The following ETFRF1 variants were observed in gnomAD, a reference collection of about 807,000 sequenced individuals.
ETFRF1 encodes the protein electron transfer flavoprotein regulatory factor 1.
Under a neutral mutation model 9.0 loss-of-function variants are expected in ETFRF1, and 12 were observed. That is an observed-to-expected ratio of 1.34 (90% CI 0.86 to 2.16). The LOEUF (loss-of-function observed/expected upper bound fraction) is 2.16. Among genes scored for constraint, ETFRF1 ranks in the 30% most tolerant of loss-of-function variants. The pLI is 0.00. For missense variants in ETFRF1, 98 were observed against 101.8 expected (o/e 0.96, Z 0.16); for synonymous variants, 34 against 33.2 (o/e 1.02, Z -0.08).
chr12:25,199,457 C>T (rs1377630445), intron 1 of ETFRF1, among the ~76,000 whole-genome samples: 1 of 150,044 alleles, frequency 6.7e-6, no homozygotes, highest in African/African-American at 2.4e-5. Context: ...AAATGGCTGG[C>T]TACCTCTGTT....
Position 25,204,271 on chromosome 12 carries a change from A to G in ETFRF1, c.232A>G (p.Met78Val), listed in dbSNP as rs370552495. ...GTACTTCCTTAGGAAATACAGAGCT[A>G]TGAAACAACGCTATTATTCAGATAC... ...ALYFLRKYRAMKQRYYSDTNK... is the reference protein window; with the variant it reads ...ALYFLRKYRAVKQRYYSDTNK... Residue 78 changes from methionine (M) to valine (V), a missense_variant, in exon 3 of 3, where the codon ATG (methionine) becomes GTG (valine). Transcript: ENST00000381356. 15 of 1,594,746 alleles carry G rather than the reference A, an allele frequency of 9.4e-6. No homozygotes were observed. The highest frequency in any genetic ancestry group is 2.2e-5 in the East Asian group (1 of 44,694).
In ETFRF1 at chr12:25,205,132, T is replaced by C. The variant is rs758346907; in HGVS notation, c.*820T>C. The C allele has an allele frequency of 2.0e-4, 44 of 217,010 alleles. 1 individual carries two copies. The highest frequency in any genetic ancestry group is 1.1e-3 in the Admixed American group (19 of 17,200). 13.4% of individuals were successfully genotyped at this position (217,010 alleles called of 1,614,324 possible). On this transcript the variant is annotated 3_prime_UTR_variant, in exon 3 of 3. Coordinates refer to ENST00000381356, the MANE Select transcript of ETFRF1 (RefSeq NM_001001660.3). ...ACCTTTTAGAAATAAAGGATACTTC[T>C]AACAAGCTGCATAAAAGATTCACTG...
rs1244042002 is a variant in ETFRF1, at chr12:25,204,256, A to G, written c.217A>G (p.Arg73Gly). Residue 73 changes from arginine to glycine, a missense_variant, in exon 3 of 3, where the codon AGG becomes GGG. Transcript: ENST00000381356. ...AGAGCTAGAAGCTTTGTACTTCCTT[A>G]GGAAATACAGAGCTATGAAACAACG... ...MKELEALYFL[R>G]KYRAMKQRYY... 4 of 1,604,212 alleles carry G rather than the reference A, an allele frequency of 2.5e-6. No individual in the cohort carries two copies. The East Asian group carries it at 6.7e-5, about 27-fold the overall frequency.
intron 1 of ETFRF1, among the ~76,000 whole-genome samples, chr12:25,196,979 C>G (rs1951030613): frequency 6.6e-6 from 1 of 151,938 alleles, no homozygotes; most frequent in African/African-American, 2.4e-5. Context: ...ACAGTGAAAC[C>G]CCGTCTCTAC....
chr12:25,195,342 G>T lies in ETFRF1; in HGVS notation c.-38+5G>T. 3 of 598,282 alleles carry T rather than the reference G, an allele frequency of 5.0e-6. No homozygotes were observed. The highest frequency in any genetic ancestry group is 8.9e-6 in the Non-Finnish European group (3 of 336,188). The allele number at this position is 598,282 out of a possible 1,614,324, so 37.1% of individuals were successfully genotyped here. Reference sequence around the variant, plus strand: ...GCGGCTCCGGCGTGCCGGAAAGTGCGTGAGTGCCGCCGCCGGGGAGTTTTG... The same window carrying T: ...GCGGCTCCGGCGTGCCGGAAAGTGCTTGAGTGCCGCCGCCGGGGAGTTTTG... On this transcript the variant is annotated splice_donor_5th_base_variant and intron_variant, in intron 1 of 2. Transcript: ENST00000381356.
At chr12:25,199,198 GTATAA>G (rs921522477) in intron 1 of ETFRF1, among the ~76,000 whole-genome samples, 3 of 148,678 alleles carry the variant, frequency 2.0e-5, no homozygotes, top group East Asian at 2.0e-4. Flanking sequence ...ACTACATATA[GTATAA>G]TATATAGTAT....
At chr12:25,203,292 A>G (rs1951091175) in intron 1 of ETFRF1, among the ~76,000 whole-genome samples, 1 of 152,194 alleles carries the variant, frequency 6.6e-6, no homozygotes, top group Non-Finnish European at 1.5e-5. Flanking sequence ...TTACACATAA[A>G]GAAGCATGAT....
chr12:25,203,782 A>C, intron 1 of ETFRF1, 138 bp from the exon 2 acceptor site: 1 of 498,130 alleles, frequency 2.0e-6, no homozygotes, highest in South Asian at 4.2e-5. Context: ...ACTATATCCC[A>C]GTACGTGGAA....
intron 1 of ETFRF1, among the ~76,000 whole-genome samples, chr12:25,196,671 CT>C (rs1293551489): frequency 2.6e-5 from 4 of 152,332 alleles, no homozygotes; most frequent in African/African-American, 9.6e-5. Context: ...TAATAGGGGG[CT>C]TCTCTTAGTC....
rs1476071745 is a variant in ETFRF1 at position 25,195,406 on chromosome 12, G to T, written c.-38+69G>T. The stretch of plus-strand genomic sequence containing the variant: ...ATCCTGGGGTCTGGAGGCGAAATAT[G>T]CTCTGGGCGAGGACCACCGGGTGTG... On this transcript the variant is annotated intron_variant, in intron 1 of 2. Coordinates refer to ENST00000381356, the MANE Select transcript of ETFRF1 (RefSeq NM_001001660.3). 4 of 536,216 alleles carry T rather than the reference G, an allele frequency of 7.5e-6. No homozygotes were observed. In the Admixed American group the frequency reaches 9.5e-5, roughly 13 times the overall value. 33.2% of individuals were successfully genotyped at this position (536,216 alleles called of 1,614,324 possible).
chr12:25,201,689 C>T (rs1443312695), intron 1 of ETFRF1, among the ~76,000 whole-genome samples: 1 of 152,138 alleles, frequency 6.6e-6, no homozygotes, highest in East Asian at 1.9e-4. Flanking sequence ...CACTGGCACC[C>T]TGCCTTTCAA....
intron 1 of ETFRF1, among the ~76,000 whole-genome samples, chr12:25,198,566 T>G (rs1181217717): frequency 6.6e-6 from 1 of 151,248 alleles, no homozygotes; most frequent in Non-Finnish European, 1.5e-5. Context: ...GTAAAACAGC[T>G]CAGAAGTGAT....
intron 1 of ETFRF1, among the ~76,000 whole-genome samples, chr12:25,198,927 G>A (rs1298107552): frequency 6.6e-6 from 1 of 152,072 alleles, no homozygotes; most frequent in African/African-American, 2.4e-5. Flanking sequence ...TGTAGCCATC[G>A]ACTGAGGACA....
intron 1 of ETFRF1, among the ~76,000 whole-genome samples, chr12:25,197,996 T>C (rs1951043948): frequency 1.3e-5 from 2 of 152,032 alleles, no homozygotes; most frequent in South Asian, 4.1e-4. Flanking sequence ...GGAAAACAGG[T>C]GAATGAATGT....
chr12:25,200,303 G>A (rs1004611003), intron 1 of ETFRF1, among the ~76,000 whole-genome samples: 11 of 151,986 alleles, frequency 7.2e-5, no homozygotes, highest in African/African-American at 2.7e-4. Context: ...TTCCAGGAAG[G>A]GAGAAAAAAG....
At chr12:25,197,626 G>A (rs921852850) in intron 1 of ETFRF1, among the ~76,000 whole-genome samples, 2 of 151,590 alleles carry the variant, frequency 1.3e-5, no homozygotes, top group African/African-American at 4.9e-5. Context: ...CACCATGCCT[G>A]GCTAATATTT....
rs1951120289 is a variant in ETFRF1, at chr12:25,205,091, ACATAATATC to A, written c.*782_*790del. ...TTTAAGTTTAAGCAAACACGCCTTTACATAATATCCACAGCACCTTTTAGAAATAAAGGA... is the reference window on the plus strand; with the variant it reads ...TTTAAGTTTAAGCAAACACGCCTTTACACAGCACCTTTTAGAAATAAAGGA... On this transcript the variant is annotated 3_prime_UTR_variant, in exon 3 of 3. Transcript: ENST00000381356. The A allele has an allele frequency of 4.6e-6, 1 of 215,302 alleles. No homozygotes were observed. The highest frequency in any genetic ancestry group is 9.4e-6 in the Non-Finnish European group (1 of 106,480). The allele number at this position is 215,302 out of a possible 1,614,324, so 13.3% of individuals were successfully genotyped here.
rs570726632 is a variant in ETFRF1 at position 25,202,017 on chromosome 12, A to G, written c.-37-1903A>G. ...GGGTGGATCACAAGGTGAGGAGATC[A>G]AGACCATCCCGGCCAACATGGTGAA... On this transcript the variant is annotated intron_variant, in intron 1 of 2. Coordinates refer to ENST00000381356, the MANE Select transcript of ETFRF1 (RefSeq NM_001001660.3). Among the ~76,000 whole-genome samples the G allele has an allele frequency of 9.8e-5, 14 of 142,686 alleles. No homozygotes were observed. In the East Asian group the frequency reaches 3.0e-3, roughly 31 times the overall value. 93.6% of individuals were successfully genotyped at this position (142,686 alleles called of 152,430 possible). A position where few individuals can be genotyped will look rare whatever the true frequency, so the allele number is the denominator to read the frequency against.
intron 1 of ETFRF1, among the ~76,000 whole-genome samples, chr12:25,202,061 T>TAAAAAAAAAAAAAA (rs1951077531): frequency 7.0e-4 from 4 of 5,702 alleles, no homozygotes; most frequent in African/African-American, 1.0e-3. Context: ...TCTACTGAAA[T>TAAAAAAAAAAAAAA]ACAAAAAAAA....
Sources: allele counts gnomAD v4.1 joint callset (sites outside exome capture counted in the v4.1 genomes callset), GRCh38; gene constraint gnomAD v4.1.1; transcripts MANE v1.5; gene names NCBI Gene and HGNC (gene_info 2026-07-23, HGNC 2026-07-21).